LINC01488: variants seen among roughly 807,000 people sequenced by gnomAD.
LINC01488 encodes the protein long independently transcribed non-coding RNA 1488, also known as CCND1-upstream intergenic DNA repair 1.
intron 1 of LINC01488, among the ~76,000 whole-genome samples, chr11:69,489,212 C>T (rs527473773): frequency 4.6e-5 from 7 of 152,070 alleles, no homozygotes; most frequent in Admixed American, 1.3e-4. Flanking sequence ...AGACCCCAGA[C>T]GCCCTCTGGT....
intron 1 of LINC01488, among the ~76,000 whole-genome samples, chr11:69,489,544 G>C (rs1857182635): frequency 6.6e-6 from 1 of 152,230 alleles, no homozygotes; most frequent in Non-Finnish European, 1.5e-5. Flanking sequence ...TTTTAGCCCT[G>C]GAGCCGGAGG....
intron 1 of LINC01488, among the ~76,000 whole-genome samples, chr11:69,484,591 G>A (rs1462878000): frequency 1.3e-5 from 2 of 152,222 alleles, no homozygotes; most frequent in Admixed American, 6.5e-5. Flanking sequence ...AGTGTGAAAC[G>A]GGAATGTTTC....
intron 1 of LINC01488, among the ~76,000 whole-genome samples, chr11:69,487,624 C>T (rs1177938836): frequency 6.6e-6 from 1 of 152,170 alleles, no homozygotes; most frequent in Non-Finnish European, 1.5e-5. Flanking sequence ...TGGCTGATTT[C>T]TTGTGGGTCG....
exon 4 of LINC01488, chr11:69,492,554 G>A (rs893588887): frequency 6.6e-6 from 1 of 152,236 alleles, no homozygotes; most frequent in South Asian, 2.1e-4. Flanking sequence ...GAGGACCTAT[G>A]AGCCAAGGAG....
At chr11:69,484,988 C>A (rs947192320) in intron 1 of LINC01488, among the ~76,000 whole-genome samples, 4 of 152,206 alleles carry the variant, frequency 2.6e-5, no homozygotes, top group Admixed American at 6.5e-5. Flanking sequence ...TAGTTTGACA[C>A]AAGTGGGCTG....
intron 1 of LINC01488, among the ~76,000 whole-genome samples, chr11:69,489,608 G>C (rs1034514751): frequency 6.6e-6 from 1 of 152,254 alleles, no homozygotes; most frequent in Non-Finnish European, 1.5e-5. Context: ...TGCTGCAGGC[G>C]GGCTGCGGAC....
At chr11:69,486,860 A>T (rs1857129580) in intron 1 of LINC01488, among the ~76,000 whole-genome samples, 1 of 152,050 alleles carries the variant, frequency 6.6e-6, no homozygotes, top group Non-Finnish European at 1.5e-5. Flanking sequence ...GCCCTGCCCC[A>T]CTGTCCCCGA....
exon 4 of LINC01488, chr11:69,492,482 G>T (rs1338606719): frequency 6.6e-6 from 1 of 152,520 alleles, no homozygotes; most frequent in East Asian, 1.9e-4. Context: ...GGCAGGGGGA[G>T]CCGAGCAGAT....
At chr11:69,486,335 TG>T (rs1481679809) in intron 1 of LINC01488, among the ~76,000 whole-genome samples, 1 of 152,068 alleles carries the variant, frequency 6.6e-6, no homozygotes, top group African/African-American at 2.4e-5. Context: ...GTGGGCCATC[TG>T]GGGGAGCATC....
chr11:69,489,456 T>C (rs1487683111), intron 1 of LINC01488, among the ~76,000 whole-genome samples: 1 of 152,244 alleles, frequency 6.6e-6, no homozygotes, highest in Non-Finnish European at 1.5e-5. Flanking sequence ...CCTGGCAGCA[T>C]GCAGGGACCC....
At chr11:69,486,164 CTG>C (rs1857112274) in intron 1 of LINC01488, 1 of 152,358 alleles carries the variant, frequency 6.6e-6, no homozygotes, top group Admixed American at 6.5e-5. Context: ...TCCATGATAA[CTG>C]TGGGTCACTG....
At chr11:69,483,165 G>T (rs1017128314) in intron 1 of LINC01488, among the ~76,000 whole-genome samples, 10 of 152,180 alleles carry the variant, frequency 6.6e-5, no homozygotes, top group African/African-American at 1.9e-4. Context: ...CCCAGAGCAG[G>T]TCTGTGCAAG....
intron 1 of LINC01488, among the ~76,000 whole-genome samples, chr11:69,486,955 G>A (rs75560792): frequency 0.14 from 21,522 of 152,182 alleles, 2,003 homozygotes; most frequent in Admixed American, 0.24. Flanking sequence ...AGAGCTGCAC[G>A]GCCTCCTCTT....
chr11:69,491,827 T>G (rs506516), intron 3 of LINC01488: 92,444 of 152,532 alleles, frequency 0.61, 28,745 homozygotes, highest in Middle Eastern at 0.68. Context: ...AAGAGGGCGT[T>G]GGGGTCTGCT....
At chr11:69,492,472 G>A (rs1407107671) in exon 4 of LINC01488, 1 of 152,536 alleles carries the variant, frequency 6.6e-6, no homozygotes, top group Non-Finnish European at 1.5e-5. Flanking sequence ...TGGAGGAGGA[G>A]GCAGGGGGAG....
intron 1 of LINC01488, among the ~76,000 whole-genome samples, chr11:69,483,165 G>A (rs1017128314): frequency 1.3e-5 from 2 of 152,298 alleles, no homozygotes; most frequent in East Asian, 1.9e-4. Flanking sequence ...CCCAGAGCAG[G>A]TCTGTGCAAG....
chr11:69,485,377 A>G (rs1344262201), intron 1 of LINC01488, among the ~76,000 whole-genome samples: 3 of 152,186 alleles, frequency 2.0e-5, no homozygotes, highest in Admixed American at 6.5e-5. Context: ...TGATGATGCC[A>G]CTGACCTCAC....
intron 1 of LINC01488, among the ~76,000 whole-genome samples, chr11:69,481,955 A>ATGGATGGATGATTGAATGGG (rs1361544226): frequency 2.4e-4 from 37 of 151,838 alleles, no homozygotes; most frequent in African/African-American, 8.9e-4. Context: ...GAGTAGATGG[A>ATGGATGGATGATTGAATGGG]TGGATGGATG....
At chr11:69,484,145 A>G (rs956510855) in intron 1 of LINC01488, among the ~76,000 whole-genome samples, 9 of 151,944 alleles carry the variant, frequency 5.9e-5, no homozygotes, top group African/African-American at 2.2e-4. Flanking sequence ...GTGCCCCCTC[A>G]CTCCTTAGAA....
Sources: gnomAD v4.1 joint callset for allele counts (sites outside exome capture counted in the v4.1 genomes callset) on GRCh38, gnomAD v4.1.1 for gene constraint, MANE v1.5 for transcripts, NCBI Gene and HGNC (gene_info 2026-07-23, HGNC 2026-07-21) for gene names.